The following GPAT3 variants were observed in gnomAD, a reference collection of about 807,000 sequenced individuals.
GPAT3 encodes the protein glycerol-3-phosphate acyltransferase 3, also known as 1-AGP acyltransferase 9.
Under a neutral mutation model 58.8 loss-of-function variants are expected in GPAT3, and 53 were observed. The observed-to-expected ratio is 0.90, with a 90% CI of 0.72 to 1.13. The LOEUF is 1.13. Among genes scored for constraint, GPAT3 ranks in the 50% most tolerant of loss-of-function variants. The pLI, the probability that GPAT3 is intolerant of heterozygous loss-of-function variation, is 0.00. For missense variants in GPAT3, 511 were observed against 527.6 expected (o/e 0.97, Z 0.31); for synonymous variants, 197 against 187.4 (o/e 1.05, Z -0.42).
Position 83,538,804 on chromosome 4 carries a change from T to G in GPAT3, c.141+2041T>G, listed in dbSNP as rs151006112. On this transcript the variant is annotated intron_variant, in intron 1 of 11. Coordinates refer to ENST00000264409, the MANE Select transcript of GPAT3 (RefSeq NM_032717.5). Reference sequence around the variant, plus strand: ...TCCTTGTCAATCAAACTGACAAGAATGCCAGTTTTCTAATTCTGGTGGGAG... The same window carrying G: ...TCCTTGTCAATCAAACTGACAAGAAGGCCAGTTTTCTAATTCTGGTGGGAG... 3.0e-3 allele frequency among the ~76,000 whole-genome samples: 458 copies of G among 152,308 alleles called. 4 individuals carry two copies. The highest frequency in any genetic ancestry group is 0.011 in the African/African-American group (441 of 41,568).
In GPAT3 at chr4:83,600,397, C is replaced by CT. The variant is rs1727013527; in HGVS notation, c.1205+1674_1205+1675insT. On this transcript the variant is annotated intron_variant, in intron 11 of 11. Coordinates refer to ENST00000264409, the MANE Select transcript of GPAT3 (RefSeq NM_032717.5). ...TCCCAAAGGATCCATCTCCAAATAG[C>CT]ACCATATTGGTAGTTAGGGCTTTAA... is the stretch of plus-strand genomic sequence containing the variant. Among the ~76,000 whole-genome samples the CT allele has an allele frequency of 5.3e-5, 8 of 152,252 alleles. No homozygotes were observed. The South Asian group carries it at 1.7e-3, about 32-fold the overall frequency.
intron 1 of GPAT3, among the ~76,000 whole-genome samples, chr4:83,537,482 C>A (rs1027455730): frequency 2.6e-5 from 4 of 152,016 alleles, no homozygotes; most frequent in African/African-American, 7.2e-5. Flanking sequence ...CAAGTGCCAA[C>A]CCCCTTTTAC....
In GPAT3 at chr4:83,544,730, C is replaced by A. The variant is rs116027015; in HGVS notation, c.208+128C>A. 7.4e-4 allele frequency: 674 copies of A among 916,756 alleles called. 6 individuals carry two copies. The African/African-American group carries it at 0.01, about 14-fold the overall frequency. 56.8% of individuals were successfully genotyped at this position (916,756 alleles called of 1,614,324 possible). On this transcript the variant is annotated intron_variant, in intron 2 of 11. Transcript: ENST00000264409. The stretch of plus-strand genomic sequence containing the variant: ...GGGTTTGGATCTTTCATAATTCTGT[C>A]AGTGTAAAATTGCAGCTGCCAGAGT...
Position 83,576,885 on chromosome 4 carries a change from G to T in GPAT3, c.209-4677G>T, listed in dbSNP as rs966117536. ...TATCCATGGGGAGCAGGTTATTTACGTAGTCTCAAAGTATCTCCCCTTTAT... is the reference window on the plus strand; with the variant it reads ...TATCCATGGGGAGCAGGTTATTTACTTAGTCTCAAAGTATCTCCCCTTTAT... On this transcript the variant is annotated intron_variant, in intron 2 of 11. Transcript: ENST00000264409. Among the ~76,000 whole-genome samples, 9 of 152,070 alleles carry T rather than the reference G, an allele frequency of 5.9e-5. 1 individual carries two copies. The highest frequency in any genetic ancestry group is 1.3e-4 in the Non-Finnish European group (9 of 68,028).
chr4:83,547,246 C>CT (rs10618385), intron 2 of GPAT3, among the ~76,000 whole-genome samples: 2,935 of 82,166 alleles, frequency 0.036, 137 homozygotes, highest in African/African-American at 0.067. Context: ...TTCTACTGCT[C>CT]TTTTTTTTTT....
At chr4:83,562,225 A>ATATATATT (rs1185063026) in intron 2 of GPAT3, among the ~76,000 whole-genome samples, 4 of 61,400 alleles carry the variant, frequency 6.5e-5, no homozygotes, top group Admixed American at 5.4e-4. Context: ...ATATATATAT[A>ATATATATT]ATATATATAT....
At chr4:83,592,009 G>A (rs563270417) in intron 6 of GPAT3, among the ~76,000 whole-genome samples, 1 of 152,188 alleles carries the variant, frequency 6.6e-6, no homozygotes, top group African/African-American at 2.4e-5. Context: ...TTTTATAAGG[G>A]CTTTAATCCA....
chr4:83,563,540 G>A (rs776080577), intron 2 of GPAT3, among the ~76,000 whole-genome samples: 6 of 133,822 alleles, frequency 4.5e-5, no homozygotes, highest in African/African-American at 1.7e-4. Context: ...GGAATGCAAT[G>A]GTGCGATCTC....
At chr4:83,581,013 A>C (rs1412095502) in intron 2 of GPAT3, among the ~76,000 whole-genome samples, 1 of 145,760 alleles carries the variant, frequency 6.9e-6, no homozygotes, top group Non-Finnish European at 1.5e-5. Flanking sequence ...GGAGATTGGC[A>C]TGAACCCGGG....
At chr4:83,556,651 T>A (rs1056745287) in intron 2 of GPAT3, among the ~76,000 whole-genome samples, 1 of 152,102 alleles carries the variant, frequency 6.6e-6, no homozygotes, top group Non-Finnish European at 1.5e-5. Flanking sequence ...GTTAATTATG[T>A]GGCTAATATT....
Position 83,597,975 on chromosome 4 carries a change from A to G in GPAT3, c.997-76A>G, listed in dbSNP as rs1375424642. On this transcript the variant is annotated intron_variant, in intron 9 of 11. Coordinates refer to ENST00000264409, the MANE Select transcript of GPAT3 (RefSeq NM_032717.5). ...AGAGTCTGATAAAGCTGTTTGGCCT[A>G]CCACCTTTAAAACATTGGGCACGGA... is the stretch of plus-strand genomic sequence containing the variant. The G allele has an allele frequency of 4.5e-6, 7 of 1,556,502 alleles. No individual in the cohort carries two copies. In the African/African-American group the frequency reaches 8.3e-5, roughly 18 times the overall value.
At chr4:83,557,272 C>A (rs12331922) in intron 2 of GPAT3, among the ~76,000 whole-genome samples, 24,680 of 152,162 alleles carry the variant, frequency 0.16, 2,283 homozygotes, top group East Asian at 0.31. Flanking sequence ...AACCATGTAG[C>A]AATCGGAGTA....
intron 2 of GPAT3, among the ~76,000 whole-genome samples, chr4:83,560,363 CTGGTG>C (rs1457316618): frequency 3.9e-5 from 6 of 152,174 alleles, no homozygotes; most frequent in Non-Finnish European, 8.8e-5. Flanking sequence ...CTGAGCTTCT[CTGGTG>C]TGGTGCCCAG....
intron 2 of GPAT3, among the ~76,000 whole-genome samples, chr4:83,545,966 T>TTTAAA (rs1006402325): frequency 1.3e-5 from 2 of 152,104 alleles, no homozygotes; most frequent in African/African-American, 2.4e-5. Flanking sequence ...AATTTTCTTA[T>TTTAAA]TTAAATTAAA....
chr4:83,571,671 CAT>C (rs1371077453), intron 2 of GPAT3, among the ~76,000 whole-genome samples: 8 of 150,586 alleles, frequency 5.3e-5, no homozygotes, highest in Non-Finnish European at 1.0e-4. Flanking sequence ...TTCCCCCACT[CAT>C]ATATATATGT....
chr4:83,571,309 G>A (rs1383470260), intron 2 of GPAT3, among the ~76,000 whole-genome samples: 3 of 152,092 alleles, frequency 2.0e-5, no homozygotes, highest in Non-Finnish European at 4.4e-5. Flanking sequence ...GTGCCATAGG[G>A]TAAGCAAGTA....
chr4:83,571,503 T>A (rs1206032054), intron 2 of GPAT3, among the ~76,000 whole-genome samples: 1 of 151,884 alleles, frequency 6.6e-6, no homozygotes, highest in Non-Finnish European at 1.5e-5. Flanking sequence ...AAAAATAACA[T>A]CTTAAGTATT....
chr4:83,592,631 A>G (rs1449607937), intron 6 of GPAT3, among the ~76,000 whole-genome samples: 1 of 152,168 alleles, frequency 6.6e-6, no homozygotes, highest in Non-Finnish European at 1.5e-5. Context: ...TTCCCTCTAG[A>G]CAAAGACCTC....
intron 3 of GPAT3, among the ~76,000 whole-genome samples, chr4:83,582,256 A>G (rs1404031845): frequency 1.3e-5 from 2 of 152,248 alleles, no homozygotes; most frequent in Non-Finnish European, 2.9e-5. Flanking sequence ...TCATAACTGC[A>G]TAAGAGAGAA....
Sources: gnomAD v4.1 joint callset for allele counts (sites outside exome capture counted in the v4.1 genomes callset) on GRCh38, gnomAD v4.1.1 for gene constraint, MANE v1.5 for transcripts, NCBI Gene and HGNC (gene_info 2026-07-23, HGNC 2026-07-21) for gene names.